PGPEP1: variants seen among roughly 807,000 people sequenced by gnomAD.
The protein encoded by PGPEP1 is pyroglutamyl-peptidase 1.
PGPEP1 carries 15 observed loss-of-function variants against 24.1 expected under a neutral mutation model. The observed-to-expected ratio is 0.62, with a 90% CI of 0.42 to 0.96. The LOEUF (loss-of-function observed/expected upper bound fraction) is 0.96. PGPEP1 is among the 40% of genes least tolerant of loss of function. PGPEP1 has a pLI of 0.00. For missense variants in PGPEP1, 242 were observed against 273.4 expected (o/e 0.89, Z 0.81); for synonymous variants, 122 against 116.4 (o/e 1.05, Z -0.31).
At chr19:18,349,896 T>C (rs565769988) in intron 2 of PGPEP1, among the ~76,000 whole-genome samples, 1 of 152,290 alleles carries the variant, frequency 6.6e-6, no homozygotes, top group East Asian at 1.9e-4. Flanking sequence ...GTGTGGGGGC[T>C]TTTTGGTCTT....
chr19:18,362,453 C>T (rs565994268), intron 4 of PGPEP1, among the ~76,000 whole-genome samples: 3 of 145,264 alleles, frequency 2.1e-5, no homozygotes, highest in Admixed American at 6.9e-5. Context: ...GGGCCAGGCA[C>T]GGTGGCTCAC....
At chr19:18,343,682 T>G (rs952341799) in intron 2 of PGPEP1, among the ~76,000 whole-genome samples, 14 of 86,080 alleles carry the variant, frequency 1.6e-4, no homozygotes, top group Non-Finnish European at 3.7e-4. Flanking sequence ...TCTCCCTCTT[T>G]TTTTTTTTTT....
At chr19:18,346,125 G>A (rs532942663) in intron 2 of PGPEP1, among the ~76,000 whole-genome samples, 47 of 152,242 alleles carry the variant, frequency 3.1e-4, no homozygotes, top group Non-Finnish European at 4.0e-4. Context: ...CCCTCCCGAT[G>A]TAAACCTCTG....
In PGPEP1 at chr19:18,369,070, G is replaced by C. The variant is rs1017395485; in HGVS notation, c.*5487G>C. Reference sequence around the variant, plus strand: ...TTTGCAGTGAGGAGGCCGGCCGAGGGCTGGGGTTCCACTTAGACCCTTGGC... The same window carrying C: ...TTTGCAGTGAGGAGGCCGGCCGAGGCCTGGGGTTCCACTTAGACCCTTGGC... On this transcript the variant is annotated 3_prime_UTR_variant, in exon 5 of 5. Coordinates refer to ENST00000269919, the MANE Select transcript of PGPEP1 (RefSeq NM_017712.4). 1.3e-5 allele frequency: 2 copies of C among 152,302 alleles called. No individual in the cohort carries two copies. The highest frequency in any genetic ancestry group is 4.8e-5 in the African/African-American group (2 of 41,446). 9.4% of individuals were successfully genotyped at this position (152,302 alleles called of 1,614,324 possible).
At chr19:18,356,145 T>C in intron 3 of PGPEP1, 134 bp downstream of exon 3, 2 of 642,130 alleles carry the variant, frequency 3.1e-6, no homozygotes, top group South Asian at 3.4e-5. Flanking sequence ...TCAAAAGGGC[T>C]TTTCAGGCCG....
In PGPEP1 at chr19:18,364,093, T is replaced by TTTCTTTCTTTCTTTC. The variant is rs1360543628; in HGVS notation, c.*513_*527dup. ...ATGGCTGGCTGGCTGGCTTTCTTTC[T>TTTCTTTCTTTCTTTC]TTCTTTCTTTCTTTCTTTCTTGCTT... On this transcript the variant is annotated 3_prime_UTR_variant, in exon 5 of 5. Transcript: ENST00000269919. The TTTCTTTCTTTCTTTC allele has an allele frequency of 1.6e-5, 2 of 124,180 alleles. No individual in the cohort carries two copies. The highest frequency in any genetic ancestry group is 3.2e-4 in the South Asian group (1 of 3,126). The allele number at this position is 124,180 out of a possible 1,614,324, so 7.7% of individuals were successfully genotyped here. A position where few individuals can be genotyped will look rare whatever the true frequency, so the allele number is the denominator to read the frequency against.
intron 2 of PGPEP1, among the ~76,000 whole-genome samples, chr19:18,347,083 G>T (rs1260525252): frequency 6.7e-6 from 1 of 149,238 alleles, no homozygotes; most frequent in African/African-American, 2.5e-5. Flanking sequence ...TTGAGACAGG[G>T]TCTCACTCTG....
chr19:18,341,006 G>A (rs1446963694), intron 1 of PGPEP1, among the ~76,000 whole-genome samples: 1 of 152,132 alleles, frequency 6.6e-6, no homozygotes, highest in Non-Finnish European at 1.5e-5. Flanking sequence ...GGTGGGGATG[G>A]TGACCCTCCT....
intron 2 of PGPEP1, among the ~76,000 whole-genome samples, chr19:18,353,348 A>G (rs148815502): frequency 2.6e-5 from 4 of 151,858 alleles, no homozygotes; most frequent in African/African-American, 9.7e-5. Flanking sequence ...TAGCCTCCCA[A>G]TTAGCTGAGA....
chr19:18,348,769 T>G (rs1200187272), intron 2 of PGPEP1, among the ~76,000 whole-genome samples: 4 of 152,122 alleles, frequency 2.6e-5, no homozygotes, highest in Non-Finnish European at 4.4e-5. Context: ...ACTTTTTTTT[T>G]GTTTTGAGAT....
Position 18,357,298 on chromosome 19 carries a change from G to T in PGPEP1, c.205-85G>T, listed in dbSNP as rs1044202705. 91 of 910,904 alleles carry T rather than the reference G, an allele frequency of 1.0e-4. 1 individual carries two copies. The highest frequency in any genetic ancestry group is 6.7e-4 in the Admixed American group (32 of 47,812). 56.4% of individuals were successfully genotyped at this position (910,904 alleles called of 1,614,324 possible). ...ACAACCCCAGGCAGAGCTCATTAAG[G>T]ATGCTGCCTTTTCCCTGGCCTCAGG... On this transcript the variant is annotated intron_variant, in intron 3 of 4. Coordinates refer to ENST00000269919, the MANE Select transcript of PGPEP1 (RefSeq NM_017712.4).
chr19:18,352,142 G>T (rs1971046330), intron 2 of PGPEP1, among the ~76,000 whole-genome samples: 1 of 151,482 alleles, frequency 6.6e-6, no homozygotes, highest in South Asian at 2.1e-4. Flanking sequence ...CATGCTGGTG[G>T]GTGCCTGTAG....
chr19:18,348,709 C>T (rs1970932648), intron 2 of PGPEP1, among the ~76,000 whole-genome samples: 1 of 152,164 alleles, frequency 6.6e-6, no homozygotes, highest in Admixed American at 6.5e-5. Context: ...TGATAATTTA[C>T]ATCAGGCAAT....
intron 1 of PGPEP1, among the ~76,000 whole-genome samples, chr19:18,341,353 G>A (rs1970666590): frequency 6.6e-6 from 1 of 152,070 alleles, no homozygotes; most frequent in East Asian, 1.9e-4. Context: ...TGCTGTCACC[G>A]ACTCCCCCCC....
intron 2 of PGPEP1, among the ~76,000 whole-genome samples, chr19:18,343,617 A>G (rs1378610064): frequency 1.3e-5 from 2 of 151,340 alleles, no homozygotes; most frequent in African/African-American, 2.4e-5. Flanking sequence ...TCCAGGACAC[A>G]GCTGTTTATG....
At chr19:18,363,211 ACCT>A (rs1971399270) in intron 4 of PGPEP1, among the ~76,000 whole-genome samples, 177 bp from the exon 5 acceptor site, 2 of 151,438 alleles carry the variant, frequency 1.3e-5, no homozygotes, top group Admixed American at 1.3e-4. Context: ...ACGTGCCACC[ACCT>A]CTGGTGATTT....
At chr19:18,352,743 A>G (rs760211398) in intron 2 of PGPEP1, among the ~76,000 whole-genome samples, 3 of 151,574 alleles carry the variant, frequency 2.0e-5, no homozygotes, top group Admixed American at 6.6e-5. Flanking sequence ...TTTCATAAAG[A>G]CAGGGTTTTT....
Sources: allele counts gnomAD v4.1 joint callset (sites outside exome capture counted in the v4.1 genomes callset), GRCh38; gene constraint gnomAD v4.1.1; transcripts MANE v1.5; gene names NCBI Gene and HGNC (gene_info 2026-07-23, HGNC 2026-07-21).